The following TBCD variants were observed in gnomAD, a reference collection of about 807,000 sequenced individuals.
TBCD encodes tubulin-specific chaperone D.
TBCD carries 105 observed loss-of-function variants against 169.3 expected under a neutral mutation model. That is an observed-to-expected ratio of 0.62 (90% CI 0.53 to 0.73). The LOEUF (loss-of-function observed/expected upper bound fraction) is 0.73. TBCD is among the 30% of genes least tolerant of loss of function. The probability of loss-of-function intolerance (pLI) is 0.00; values close to 1 mark genes in which losing one functional copy is unlikely to be tolerated. For synonymous variants in TBCD, 700 were observed against 643.9 expected (o/e 1.09, Z -1.32); for missense variants, 1,444 against 1,600.1 (o/e 0.90, Z 1.66).
chr17:82,768,223 G>A (rs1227925281), intron 4 of TBCD, among the ~76,000 whole-genome samples, 197 bp from the exon 5 acceptor site: 5 of 152,114 alleles, frequency 3.3e-5, no homozygotes, highest in African/African-American at 1.2e-4. Context: ...GGCGGTAGGT[G>A]TGTGTGGTGG....
intron 13 of TBCD, among the ~76,000 whole-genome samples, chr17:82,869,479 C>T (rs2057407800): frequency 6.6e-6 from 1 of 152,128 alleles, no homozygotes; most frequent in Non-Finnish European, 1.5e-5. Flanking sequence ...AAGATTGTGG[C>T]ACTGCACTCC....
chr17:82,936,724 C>T (rs1318717708), intron 34 of TBCD, among the ~76,000 whole-genome samples: 4 of 152,124 alleles, frequency 2.6e-5, no homozygotes, highest in Admixed American at 6.5e-5. Flanking sequence ...GAGGGAGGTG[C>T]GCACCTTCTC....
At position 82,832,131 on chromosome 17, in the gene TBCD, C is replaced by G. The variant is rs752120838; in HGVS notation, c.1318+17197C>G. 6.2e-7 allele frequency: 1 copy of G among 1,614,200 alleles called. No individual in the cohort carries two copies. The highest frequency in any genetic ancestry group is 8.5e-7 in the Non-Finnish European group (1 of 1,180,040). On this transcript the variant is annotated intron_variant, in intron 13 of 38. Coordinates refer to ENST00000355528, the MANE Select transcript of TBCD (RefSeq NM_005993.5). This position sits in a 1 kb window ranked among gnomAD's most constrained non-coding sequence, Gnocchi z 4.9. ...GCTCCAGGTTTTCCTTGATGTCTTCCCTGGCAGAGCTGTGCTGAAGCTTCG... is the reference window on the plus strand; with the variant it reads ...GCTCCAGGTTTTCCTTGATGTCTTCGCTGGCAGAGCTGTGCTGAAGCTTCG...
At position 82,889,198 on chromosome 17, in the gene TBCD, G is replaced by T. The variant is rs554945481; in HGVS notation, c.1534-470G>T. ...TTTCAGCAGCCCTTGCTCTGGGCCT[G>T]TGCCCGGCCCTGGGACTCGGCCTGG... On this transcript the variant is annotated intron_variant, in intron 15 of 38. Transcript: ENST00000355528. This position sits in a 1 kb window ranked among gnomAD's most constrained non-coding sequence, Gnocchi z 5.3. 2.0e-5 allele frequency among the ~76,000 whole-genome samples: 3 copies of T among 152,212 alleles called. No individual in the cohort carries two copies. Among genetic ancestry groups the T allele is most frequent in the Non-Finnish European group, 4.4e-5 (3 of 68,024 alleles).
intron 16 of TBCD, among the ~76,000 whole-genome samples, chr17:82,891,429 G>A (rs940447013): frequency 7.9e-5 from 12 of 152,226 alleles, no homozygotes; most frequent in Admixed American, 6.5e-4. Context: ...CGGGAGCCTC[G>A]TGGAAGAAGC....
intron 5 of TBCD, among the ~76,000 whole-genome samples, chr17:82,769,170 C>T (rs899115023): frequency 3.9e-5 from 6 of 152,190 alleles, no homozygotes; most frequent in African/African-American, 1.4e-4. Context: ...CAAGCTTGCC[C>T]ACAGCTGCAG....
At chr17:82,862,356 G>A (rs1001349103) in intron 13 of TBCD, among the ~76,000 whole-genome samples, 1 of 151,966 alleles carries the variant, frequency 6.6e-6, no homozygotes, top group Non-Finnish European at 1.5e-5. Context: ...GTTGGGTCAG[G>A]AGAAGCCTCT....
intron 13 of TBCD, among the ~76,000 whole-genome samples, chr17:82,860,136 G>A (rs969775658): frequency 6.6e-6 from 1 of 152,248 alleles, no homozygotes; most frequent in Non-Finnish European, 1.5e-5. Flanking sequence ...TGACTTCCTG[G>A]TTAAGCCTTT....
At position 82,930,866 on chromosome 17, in the gene TBCD, A is replaced by G. The variant is rs901138963; in HGVS notation, c.3113+223A>G. ...CTGCGCCTCCTCTTCTAGCCTCCACATGAGGCAGGGAAATGACCGTTGTGT... is the reference window on the plus strand; with the variant it reads ...CTGCGCCTCCTCTTCTAGCCTCCACGTGAGGCAGGGAAATGACCGTTGTGT... On this transcript the variant is annotated intron_variant, in intron 33 of 38. Coordinates refer to ENST00000355528, the MANE Select transcript of TBCD (RefSeq NM_005993.5). This position sits in a 1 kb window ranked among gnomAD's most constrained non-coding sequence, Gnocchi z 5.2. 5.3e-5 allele frequency among the ~76,000 whole-genome samples: 8 copies of G among 152,278 alleles called. No homozygotes were observed. The highest frequency in any genetic ancestry group is 4.6e-4 in the Admixed American group (7 of 15,302).
Position 82,864,987 on chromosome 17 carries a change from C to G in TBCD, c.1319-5237C>G, listed in dbSNP as rs532508704. 6.6e-6 allele frequency among the ~76,000 whole-genome samples: 1 copy of G among 152,150 alleles called. No homozygotes were observed. Among genetic ancestry groups the G allele is most frequent in the Non-Finnish European group, 1.5e-5 (1 of 68,022 alleles). On this transcript the variant is annotated intron_variant, in intron 13 of 38. Transcript: ENST00000355528. The surrounding 1 kb of genome is among the most constrained non-coding windows in gnomAD (Gnocchi z 6.3). ...CCGAGCACCAAGTCTGTGCTTGCCC[C>G]ACTGTGCAGCGTTGCAGGTGCAGCA...
rs1435427591 is a variant in TBCD, at chr17:82,833,156, AAC to A, written c.1318+18224_1318+18225del. ...AAGGGGTTTGTGGCTGTTTCCCCTT[AAC>A]ATGTACCCACAGTCACAGAGTGCCC... On this transcript the variant is annotated intron_variant, in intron 13 of 38. Coordinates refer to ENST00000355528, the MANE Select transcript of TBCD (RefSeq NM_005993.5). This position sits in a 1 kb window ranked among gnomAD's most constrained non-coding sequence, Gnocchi z 4.7. Among the ~76,000 whole-genome samples, 1 of 152,052 alleles carries A rather than the reference AAC, an allele frequency of 6.6e-6. No individual in the cohort carries two copies. Among genetic ancestry groups the A allele is most frequent in the Non-Finnish European group, 1.5e-5 (1 of 68,008 alleles).
At chr17:82,769,376 C>A (rs924616354) in intron 5 of TBCD, among the ~76,000 whole-genome samples, 1 of 152,178 alleles carries the variant, frequency 6.6e-6, no homozygotes, top group East Asian at 1.9e-4. Context: ...TCTGCCAGAT[C>A]CTGTGGTTAG....
chr17:82,825,152 C>T (rs2052731937), intron 13 of TBCD, among the ~76,000 whole-genome samples: 1 of 152,202 alleles, frequency 6.6e-6, no homozygotes, highest in Non-Finnish European at 1.5e-5. Flanking sequence ...GTTCTCCATG[C>T]TGCCCTGTTG....
intron 35 of TBCD, 129 bp from the exon 36 acceptor site, chr17:82,937,919 GC>G (rs1193450345): frequency 2.0e-6 from 3 of 1,534,942 alleles, no homozygotes; most frequent in Non-Finnish European, 2.6e-6. Context: ...CCGGCTTGGG[GC>G]CCCAGGCCCG....
In TBCD at chr17:82,768,497, C is replaced by A. The variant is rs753748524; in HGVS notation, c.513C>A (p.Asp171Glu). The A allele has an allele frequency of 6.2e-7, 1 of 1,613,746 alleles. No homozygotes were observed. The highest frequency in any genetic ancestry group is 2.2e-5 in the East Asian group (1 of 44,870). Reference protein sequence around the residue: ...CLIPFDFSRLDGNLLTQPGQA... With the variant: ...CLIPFDFSRLEGNLLTQPGQA... ...TCCCTTTTGATTTTTCTCGCCTTGA[C>A]GGGAACCTCCTCACCCAGCCTGGGC... The change falls in exon 5 of 39, where the codon GAC becomes GAA. Residue 171 changes from aspartate (D) to glutamate (E), a missense_variant. By Grantham distance (45) the Asp-to-Glu change is conservative. Transcript: ENST00000355528.
chr17:82,893,306 A>G (rs2059272986), intron 16 of TBCD: 1 of 529,280 alleles, frequency 1.9e-6, no homozygotes. Context: ...TTTGAAAAAG[A>G]TGAAATACTT....
At chr17:82,940,776 G>A (rs2063139755) in intron 37 of TBCD, among the ~76,000 whole-genome samples, 4 of 152,120 alleles carry the variant, frequency 2.6e-5, no homozygotes. Flanking sequence ...AAACACCAAG[G>A]TGCATTCTGG....
intron 14 of TBCD, among the ~76,000 whole-genome samples, chr17:82,873,441 A>G (rs2057750909): frequency 6.6e-6 from 1 of 152,088 alleles, no homozygotes; most frequent in Non-Finnish European, 1.5e-5. Context: ...GGGAAAGCTG[A>G]TCCCACTGGA....
chr17:82,763,075 G>T (rs528016447), intron 2 of TBCD, among the ~76,000 whole-genome samples: 1 of 152,280 alleles, frequency 6.6e-6, no homozygotes, highest in South Asian at 2.1e-4. Flanking sequence ...CGTAAGTAAG[G>T]TGGGTGATAG....
Sources: gnomAD v4.1 joint callset for allele counts (sites outside exome capture counted in the v4.1 genomes callset) on GRCh38, gnomAD v4.1.1 for gene constraint, Gnocchi (gnomAD v3.1) non-coding constraint, MANE v1.5 for transcripts, NCBI Gene and HGNC (gene_info 2026-07-23, HGNC 2026-07-21) for gene names.